The following TEX2 variants were observed in gnomAD, a reference collection of about 807,000 sequenced individuals.
TEX2 encodes the protein testis-expressed protein 2.
In TEX2, 53 loss-of-function variants were observed where a neutral mutation model predicts 106.9. The ratio of observed to expected loss-of-function variants is 0.50; its 90% CI spans 0.40 to 0.62. The LOEUF is 0.62. Ranked by LOEUF, TEX2 falls within the 20% of genes least tolerant of loss-of-function variation. The probability of loss-of-function intolerance (pLI) is 0.00; values close to 1 mark genes in which losing one functional copy is unlikely to be tolerated. For missense variants in TEX2, 1,207 were observed against 1,379.0 expected (o/e 0.88, Z 1.98); for synonymous variants, 523 against 534.8 (o/e 0.98, Z 0.30).
intron 4 of TEX2, 175 bp from the exon 5 acceptor site, chr17:64,188,590 G>A (rs2032175955): frequency 1.0e-6 from 1 of 981,800 alleles, no homozygotes; most frequent in Non-Finnish European, 1.5e-6. Context: ...GCCGAGGCGG[G>A]CGGATCACGA....
intron 1 of TEX2, among the ~76,000 whole-genome samples, chr17:64,233,253 G>A (rs1598211886): frequency 6.6e-6 from 1 of 152,118 alleles, no homozygotes; most frequent in Non-Finnish European, 1.5e-5. Flanking sequence ...AAACAACTTG[G>A]ACCATTAGGA....
chr17:64,186,554 C>T (rs145756494), intron 5 of TEX2, among the ~76,000 whole-genome samples: 4 of 152,282 alleles, frequency 2.6e-5, no homozygotes, highest in East Asian at 1.9e-4. Context: ...CGGTGGCTCA[C>T]GCCTGTAATC....
intron 6 of TEX2, 74 bp downstream of exon 6, chr17:64,177,251 G>T: frequency 6.4e-7 from 1 of 1,568,896 alleles, no homozygotes; most frequent in South Asian, 1.1e-5. Flanking sequence ...TTTTCACTTA[G>T]GACATAAGGG....
intron 8 of TEX2, among the ~76,000 whole-genome samples, chr17:64,158,860 C>G (rs925138748): frequency 6.6e-6 from 1 of 152,190 alleles, no homozygotes; most frequent in African/African-American, 2.4e-5. Flanking sequence ...TTCCTCCTTA[C>G]TTTTAAAAAC....
At chr17:64,160,734 C>T (rs2030844410) in intron 8 of TEX2, 67 bp downstream of exon 8, 1 of 1,588,906 alleles carries the variant, frequency 6.3e-7, no homozygotes, top group Non-Finnish European at 8.6e-7. Flanking sequence ...AAATCTGCTT[C>T]TCAAAGGCTG....
chr17:64,150,666 T>G, intron 11 of TEX2, 175 bp downstream of exon 11: 1 of 597,350 alleles, frequency 1.7e-6, no homozygotes, highest in Middle Eastern at 4.9e-4. Flanking sequence ...TTCAGGGCTT[T>G]GATACTGTAC....
chr17:64,248,029 C>T (rs1412033428), intron 1 of TEX2, among the ~76,000 whole-genome samples: 1 of 152,214 alleles, frequency 6.6e-6, no homozygotes, highest in Non-Finnish European at 1.5e-5. Flanking sequence ...TGAAATCTCA[C>T]TCCAGGAAGA....
At chr17:64,232,631 C>T (rs2033683299) in intron 1 of TEX2, among the ~76,000 whole-genome samples, 1 of 152,160 alleles carries the variant, frequency 6.6e-6, no homozygotes, top group African/African-American at 2.4e-5. Context: ...AGACCTGGTA[C>T]CAGCTCCAGT....
intron 7 of TEX2, among the ~76,000 whole-genome samples, chr17:64,162,384 T>C (rs771464371): frequency 9.2e-5 from 14 of 152,330 alleles, no homozygotes; most frequent in Non-Finnish European, 1.3e-4. Context: ...AGATATTTAT[T>C]GTTGTATAGT....
intron 7 of TEX2, among the ~76,000 whole-genome samples, chr17:64,164,999 G>GA (rs758361858): frequency 1.1e-4 from 16 of 152,154 alleles, no homozygotes; most frequent in Non-Finnish European, 1.9e-4. Context: ...GTAGTTAAGG[G>GA]AACCAAAACC....
At chr17:64,152,204 T>C (rs1294558406) in intron 10 of TEX2, among the ~76,000 whole-genome samples, 1 of 152,240 alleles carries the variant, frequency 6.6e-6, no homozygotes, top group African/African-American at 2.4e-5. Flanking sequence ...TTTACACTTA[T>C]GCCCATTTTT....
At chr17:64,229,524 A>C (rs1157615351) in intron 1 of TEX2, among the ~76,000 whole-genome samples, 1 of 151,800 alleles carries the variant, frequency 6.6e-6, no homozygotes, top group Non-Finnish European at 1.5e-5. Flanking sequence ...ACAAAGTTTT[A>C]CATTTTGAGA....
At chr17:64,159,766 T>C (rs564573827) in intron 8 of TEX2, among the ~76,000 whole-genome samples, 2 of 152,194 alleles carry the variant, frequency 1.3e-5, no homozygotes, top group Admixed American at 6.5e-5. Context: ...GAAAGGAAAA[T>C]AGCACAGACA....
At chr17:64,202,316 C>A (rs1051423952) in intron 2 of TEX2, among the ~76,000 whole-genome samples, 2 of 152,118 alleles carry the variant, frequency 1.3e-5, no homozygotes, top group Non-Finnish European at 2.9e-5. Flanking sequence ...CTGTCAGGAA[C>A]CAGGTTGCAG....
chr17:64,215,687 AT>A (rs1188369973), intron 1 of TEX2, among the ~76,000 whole-genome samples: 2 of 152,180 alleles, frequency 1.3e-5, no homozygotes, highest in Non-Finnish European at 2.9e-5. Context: ...TCCTTTCCAA[AT>A]TTAAAACGCT....
Position 64,148,902 on chromosome 17 carries a change from G to T in TEX2, c.*67C>A. Reference sequence around the variant, plus strand: ...GCACAGAGGCCAGTGCTACAGTACAGATGGCGGCCAAGAACCCCACACATC... The same window carrying T: ...GCACAGAGGCCAGTGCTACAGTACATATGGCGGCCAAGAACCCCACACATC... On this transcript the variant is annotated 3_prime_UTR_variant, in exon 12 of 12. Coordinates refer to ENST00000584379, the MANE Select transcript of TEX2 (RefSeq NM_001288732.2). 1 of 1,601,380 alleles carries T rather than the reference G, an allele frequency of 6.2e-7. No individual in the cohort carries two copies. The highest frequency in any genetic ancestry group is 8.5e-7 in the Non-Finnish European group (1 of 1,172,524).
intron 2 of TEX2, among the ~76,000 whole-genome samples, chr17:64,203,467 A>G (rs967323229): frequency 1.3e-5 from 2 of 152,182 alleles, no homozygotes; most frequent in Admixed American, 1.3e-4. Context: ...CATAAGCAGG[A>G]TTTTGTCTTT....
At chr17:64,184,670 C>T (rs559411151) in intron 5 of TEX2, among the ~76,000 whole-genome samples, 6 of 152,228 alleles carry the variant, frequency 3.9e-5, no homozygotes, top group South Asian at 2.1e-4. Flanking sequence ...GAAGGTTTAT[C>T]GAACCCAAAG....
At chr17:64,187,980 C>G (rs184599236) in intron 5 of TEX2, among the ~76,000 whole-genome samples, 188 bp downstream of exon 5, 7 of 152,326 alleles carry the variant, frequency 4.6e-5, no homozygotes, top group Non-Finnish European at 8.8e-5. Context: ...TTCATTCTTC[C>G]CACCACCTGG....
Sources: gnomAD v4.1 joint callset for allele counts (sites outside exome capture counted in the v4.1 genomes callset) on GRCh38, gnomAD v4.1.1 for gene constraint, MANE v1.5 for transcripts, NCBI Gene and HGNC (gene_info 2026-07-23, HGNC 2026-07-21) for gene names.